The following EGFLAM variants were observed in gnomAD, a reference collection of about 807,000 sequenced individuals.
The protein encoded by EGFLAM is pikachurin.
In EGFLAM, 79 loss-of-function variants were observed where a neutral mutation model predicts 113.1. The observed-to-expected ratio is 0.70, with a 90% confidence interval of 0.58 to 0.84. The LOEUF (loss-of-function observed/expected upper bound fraction) is 0.84. EGFLAM is among the 40% of genes least tolerant of loss of function. The probability of loss-of-function intolerance (pLI) is 0.00; values close to 1 mark genes in which losing one functional copy is unlikely to be tolerated. For synonymous variants in EGFLAM, 504 were observed against 487.6 expected (o/e 1.03, Z -0.44); for missense variants, 1,265 against 1,291.6 (o/e 0.98, Z 0.32).
At chr5:38,267,710 G>A (rs1374406441) in intron 1 of EGFLAM, among the ~76,000 whole-genome samples, 1 of 152,176 alleles carries the variant, frequency 6.6e-6, no homozygotes, top group African/African-American at 2.4e-5. Flanking sequence ...CTTGGTGATT[G>A]TGCCATGCCA....
At position 38,425,585 on chromosome 5, in the gene EGFLAM, C is replaced by T. The variant is rs375141977; in HGVS notation, c.1810+493C>T. On this transcript the variant is annotated intron_variant, in intron 13 of 21. Coordinates refer to ENST00000322350, the MANE Select transcript of EGFLAM (RefSeq NM_152403.4). ...ACAAGGTTGGAGTGTCTCTGAGTGC[C>T]AAAATTTGTTTGGTAATGAGAACTC... is the stretch of plus-strand genomic sequence containing the variant. Among the ~76,000 whole-genome samples, 24 of 152,250 alleles carry T rather than the reference C, an allele frequency of 1.6e-4. No homozygotes were observed. In the East Asian group the frequency reaches 2.9e-3, roughly 18 times the overall value.
At chr5:38,332,372 T>C (rs976469079) in intron 1 of EGFLAM, among the ~76,000 whole-genome samples, 4 of 152,158 alleles carry the variant, frequency 2.6e-5, no homozygotes, top group Non-Finnish European at 4.4e-5. Flanking sequence ...GTACATATTA[T>C]TACCTGACCC....
chr5:38,270,568 A>G (rs537776364), intron 1 of EGFLAM, among the ~76,000 whole-genome samples: 3 of 152,200 alleles, frequency 2.0e-5, no homozygotes, highest in Admixed American at 1.3e-4. Context: ...TACACCCATA[A>G]TACACATCCC....
chr5:38,464,105 G>A lies in EGFLAM; in HGVS notation c.*119G>A. The A allele has an allele frequency of 7.5e-7, 1 of 1,339,106 alleles. No homozygotes were observed. The highest frequency in any genetic ancestry group is 1.0e-6 in the Non-Finnish European group (1 of 987,458). The allele number at this position is 1,339,106 out of a possible 1,614,324, so 83.0% of individuals were successfully genotyped here. A position where few individuals can be genotyped will look rare whatever the true frequency, so the allele number is the denominator to read the frequency against. Reference sequence around the variant, plus strand: ...GACCAGGTGTGTTTCCTCTCACCAAGAAGAAAGTACACACTGATGAGAAAC... The same window carrying A: ...GACCAGGTGTGTTTCCTCTCACCAAAAAGAAAGTACACACTGATGAGAAAC... On this transcript the variant is annotated 3_prime_UTR_variant, in exon 22 of 22. Coordinates refer to ENST00000322350, the MANE Select transcript of EGFLAM (RefSeq NM_152403.4).
chr5:38,267,613 C>G (rs1445879357), intron 1 of EGFLAM, among the ~76,000 whole-genome samples: 7 of 152,172 alleles, frequency 4.6e-5, no homozygotes, highest in African/African-American at 1.4e-4. Context: ...ACTTTAATCT[C>G]TACCCTGGGG....
chr5:38,328,904 T>C (rs1216043501), intron 1 of EGFLAM, among the ~76,000 whole-genome samples: 1 of 152,072 alleles, frequency 6.6e-6, no homozygotes, highest in Non-Finnish European at 1.5e-5. Context: ...TCAAAGAGCA[T>C]GATGGAAGTT....
At chr5:38,314,334 C>T (rs1392309140) in intron 1 of EGFLAM, among the ~76,000 whole-genome samples, 1 of 152,212 alleles carries the variant, frequency 6.6e-6, no homozygotes, top group African/African-American at 2.4e-5. Context: ...TATTGATCTT[C>T]CTGTCCATTC....
chr5:38,383,122 G>A (rs1040435729), intron 6 of EGFLAM, among the ~76,000 whole-genome samples: 9 of 152,204 alleles, frequency 5.9e-5, no homozygotes, highest in African/African-American at 2.2e-4. Flanking sequence ...GCGTCAGATA[G>A]AGGGCACCTT....
At chr5:38,342,759 C>T (rs1489571144) in intron 3 of EGFLAM, among the ~76,000 whole-genome samples, 1 of 151,886 alleles carries the variant, frequency 6.6e-6, no homozygotes, top group East Asian at 1.9e-4. Flanking sequence ...TCATGCATGC[C>T]ATCAGTTAAA....
At chr5:38,333,099 A>C (rs1739087724) in intron 1 of EGFLAM, among the ~76,000 whole-genome samples, 1 of 152,200 alleles carries the variant, frequency 6.6e-6, no homozygotes, top group Admixed American at 6.5e-5. Context: ...GATATCCTCC[A>C]GCTCCATTCA....
At chr5:38,462,546 C>T (rs569325757) in intron 20 of EGFLAM, 66 of 207,822 alleles carry the variant, frequency 3.2e-4, no homozygotes, top group African/African-American at 1.4e-3. Flanking sequence ...CTACAAGACT[C>T]ATTTTGGACA....
chr5:38,361,825 G>A (rs1739930543), intron 5 of EGFLAM, among the ~76,000 whole-genome samples: 1 of 151,986 alleles, frequency 6.6e-6, no homozygotes. Flanking sequence ...AAATACGGAT[G>A]GTAATAGTGG....
intron 5 of EGFLAM, among the ~76,000 whole-genome samples, chr5:38,353,462 T>C (rs1187458518): frequency 1.3e-5 from 2 of 152,224 alleles, no homozygotes; most frequent in Non-Finnish European, 2.9e-5. Flanking sequence ...CCTAAGGCTC[T>C]CTGAAGCTGG....
At chr5:38,443,441 G>A (rs1561097014) in intron 17 of EGFLAM, among the ~76,000 whole-genome samples, 1 of 152,302 alleles carries the variant, frequency 6.6e-6, no homozygotes, top group South Asian at 2.1e-4. Context: ...AGATCTGGGG[G>A]TGTTTAGTAT....
At chr5:38,448,829 G>A (rs1263941855) in intron 18 of EGFLAM, among the ~76,000 whole-genome samples, 2 of 152,224 alleles carry the variant, frequency 1.3e-5, no homozygotes, top group African/African-American at 2.4e-5. Context: ...ACAGATCCAA[G>A]CCCATTCCCT....
intron 6 of EGFLAM, among the ~76,000 whole-genome samples, chr5:38,379,498 T>C (rs1045771910): frequency 6.6e-6 from 1 of 151,938 alleles, no homozygotes; most frequent in Admixed American, 6.6e-5. Context: ...AGATAGGAGT[T>C]AATCTTCCCT....
At chr5:38,452,090 GC>G (rs1468685264) in intron 19 of EGFLAM, among the ~76,000 whole-genome samples, 4 of 147,802 alleles carry the variant, frequency 2.7e-5, no homozygotes, top group Admixed American at 2.7e-4. Flanking sequence ...AGGCCAGAGT[GC>G]AGTGGCGCAA....
intron 1 of EGFLAM, among the ~76,000 whole-genome samples, chr5:38,321,499 C>T (rs971288565): frequency 3.3e-5 from 5 of 152,178 alleles, no homozygotes; most frequent in Non-Finnish European, 7.3e-5. Flanking sequence ...TCACACTGTG[C>T]AGGCTCCCAC....
chr5:38,323,583 A>G (rs1467257461), intron 1 of EGFLAM, among the ~76,000 whole-genome samples: 1 of 152,178 alleles, frequency 6.6e-6, no homozygotes. Context: ...TATTGGTGAA[A>G]CAAGTGTTAT....
Sources: allele counts gnomAD v4.1 joint callset (sites outside exome capture counted in the v4.1 genomes callset), GRCh38; gene constraint gnomAD v4.1.1; transcripts MANE v1.5; gene names NCBI Gene and HGNC (gene_info 2026-07-23, HGNC 2026-07-21).